SP7: variants seen among roughly 807,000 people sequenced by gnomAD.
The protein encoded by SP7 is transcription factor Sp7.
Under a neutral mutation model 27.9 loss-of-function variants are expected in SP7, and 13 were observed. The observed-to-expected ratio is 0.47, with a 90% CI of 0.30 to 0.74. The LOEUF (loss-of-function observed/expected upper bound fraction) is 0.74. SP7 is among the 30% of genes least tolerant of loss of function. The pLI is 0.06. For synonymous variants in SP7, 219 were observed against 226.7 expected (o/e 0.97, Z 0.31); for missense variants, 525 against 558.0 (o/e 0.94, Z 0.60).
chr12:53,333,719 C>T (rs1944732905), intron 2 of SP7, among the ~76,000 whole-genome samples: 1 of 152,218 alleles, frequency 6.6e-6, no homozygotes, highest in South Asian at 2.1e-4. Context: ...CCCCATCAAG[C>T]AGCAGCTGCT....
chr12:53,334,331 TAC>T (rs57611228), intron 2 of SP7, among the ~76,000 whole-genome samples: 14,798 of 139,304 alleles, frequency 0.11, 942 homozygotes, highest in African/African-American at 0.2. Context: ...TGGCCCAACT[TAC>T]ACACACACAC....
At chr12:53,335,982 G>A (rs1044617939) in intron 1 of SP7, among the ~76,000 whole-genome samples, 164 bp downstream of exon 1, 8 of 151,986 alleles carry the variant, frequency 5.3e-5, no homozygotes, top group Admixed American at 2.0e-4. Context: ...GAAGGGGTGG[G>A]AAGCAGGAAG....
At position 53,329,151 on chromosome 12, in the gene SP7, G is replaced by A; in HGVS notation, c.291C>T (p.His97=). 6.2e-7 allele frequency: 1 copy of A among 1,613,904 alleles called. No individual in the cohort carries two copies. The highest frequency in any genetic ancestry group is 8.5e-7 in the Non-Finnish European group (1 of 1,179,890). The change falls in exon 3 of 3, where the codon CAC becomes CAT. Residue 97 remains histidine, a synonymous_variant. Transcript: ENST00000536324. ...GYANDYPPFS[H]SFPGPTGTQD... ...GGGTGCCTGTGGGCCCAGGGAATGA[G>A]TGGGAAAAGGGAGGGTAATCATTAG...
chr12:53,341,026 G>A (rs1334177743), upstream of SP7, among the ~76,000 whole-genome samples: 1 of 152,206 alleles, frequency 6.6e-6, no homozygotes, highest in Admixed American at 6.5e-5. Context: ...TCCAATTTTA[G>A]GAGGCAAAGC....
chr12:53,331,919 G>A (rs1161273815), intron 2 of SP7, among the ~76,000 whole-genome samples: 1 of 152,196 alleles, frequency 6.6e-6, no homozygotes, highest in Non-Finnish European at 1.5e-5. Flanking sequence ...CATGAGGCAT[G>A]TGTGCAGTCC....
At chr12:53,334,560 G>A (rs1944745148) in intron 2 of SP7, among the ~76,000 whole-genome samples, 1 of 152,200 alleles carries the variant, frequency 6.6e-6, no homozygotes, top group Admixed American at 6.5e-5. Context: ...AGAGATGTGG[G>A]ACCCAAGAAT....
chr12:53,333,831 G>A (rs191877969), intron 2 of SP7, among the ~76,000 whole-genome samples: 162 of 152,114 alleles, frequency 1.1e-3, no homozygotes, highest in Non-Finnish European at 1.4e-3. Context: ...GCAAGTGGTC[G>A]AGGGACAGGA....
In SP7 at chr12:53,329,042, G is replaced by T; in HGVS notation, c.400C>A (p.Pro134Thr). The change falls in exon 3 of 3, where the codon CCC becomes ACC. Residue 134 changes from proline to threonine, a missense_variant. By Grantham distance (38) the Pro-to-Thr change is conservative (BLOSUM62 -1). Transcript: ENST00000536324. The part of the protein sequence containing the change: ...SVYTSLDMTH[P>T]YGSWYKAGIH... ...CCTGCCTTGTACCAGGAGCCATAGG[G>T]GTGTGTCATGTCCAGAGAGGTGTAG... 1 of 1,613,840 alleles carries T rather than the reference G, an allele frequency of 6.2e-7. No homozygotes were observed. The highest frequency in any genetic ancestry group is 8.5e-7 in the Non-Finnish European group (1 of 1,179,860).
At chr12:53,340,325 A>G (rs551538988), upstream of SP7, among the ~76,000 whole-genome samples, 9 of 152,226 alleles carry the variant, frequency 5.9e-5, no homozygotes, top group South Asian at 1.9e-3. Flanking sequence ...GTGGTCTCCT[A>G]AAGGGCATTT....
chr12:53,341,856 C>G (rs531925929), intron 1 of SP7, among the ~76,000 whole-genome samples: 3 of 152,142 alleles, frequency 2.0e-5, no homozygotes, highest in Admixed American at 1.3e-4. Context: ...GTCAGGAGAT[C>G]GAGACCATCC....
intron 2 of SP7, among the ~76,000 whole-genome samples, chr12:53,333,110 C>T (rs1944725207): frequency 1.3e-5 from 2 of 152,292 alleles, no homozygotes; most frequent in Non-Finnish European, 2.9e-5. Context: ...AGCGAGGAAC[C>T]AGACCCACTC....
upstream of SP7, among the ~76,000 whole-genome samples, chr12:53,339,162 T>C (rs1944801068): frequency 1.3e-5 from 2 of 152,060 alleles, no homozygotes; most frequent in African/African-American, 4.8e-5. Flanking sequence ...CCCACCACCC[T>C]GGGGGCCCCT....
chr12:53,329,400 G>A lies in SP7; in HGVS notation c.42C>T (p.Ser14=). 6.2e-7 allele frequency: 1 copy of A among 1,613,918 alleles called. No homozygotes were observed. Among genetic ancestry groups the A allele is most frequent in the East Asian group, 2.2e-5 (1 of 44,878 alleles). The change falls in exon 3 of 3, where the codon TCC becomes TCT. Residue 14 remains serine, a synonymous_variant. Transcript: ENST00000536324. ...SLLEEEVHYG[S]SPLAMLTAAC... The stretch of plus-strand genomic sequence containing the variant: ...CTGCCGTCAGCATGGCCAGGGGACT[G>A]GAGCCATAGTGAACTTCCTCCTGTG...
chr12:53,329,368 C>G lies in SP7; in HGVS notation c.74G>C (p.Ser25Thr). The change falls in exon 3 of 3, where the codon AGC becomes ACC. Residue 25 changes from serine to threonine, a missense_variant. By Grantham distance (58) the Ser-to-Thr change is moderately conservative. Transcript: ENST00000536324. Reference protein sequence around the residue: ...SPLAMLTAACSKFGGSSPLRD... With the variant: ...SPLAMLTAACTKFGGSSPLRD... ...CAGAGGGCTAGAGCCACCAAATTTG[C>G]TGCACGCTGCCGTCAGCATGGCCAG... 6.2e-7 allele frequency: 1 copy of G among 1,613,968 alleles called. No individual in the cohort carries two copies. Among genetic ancestry groups the G allele is most frequent in the Non-Finnish European group, 8.5e-7 (1 of 1,179,890 alleles).
At chr12:53,338,374 T>G (rs921762889), upstream of SP7, among the ~76,000 whole-genome samples, 3 of 151,986 alleles carry the variant, frequency 2.0e-5, no homozygotes, top group African/African-American at 7.3e-5. Flanking sequence ...GAGAAATTCC[T>G]GTATCACCAG....
At chr12:53,337,955 A>C (rs1169598655), upstream of SP7, among the ~76,000 whole-genome samples, 1 of 152,118 alleles carries the variant, frequency 6.6e-6, no homozygotes, top group Non-Finnish European at 1.5e-5. Context: ...ACAGAAGACC[A>C]GATGTGTGGC....
intron 1 of SP7, among the ~76,000 whole-genome samples, chr12:53,341,448 G>A (rs985252975): frequency 6.6e-6 from 1 of 152,216 alleles, no homozygotes; most frequent in African/African-American, 2.4e-5. Context: ...TGTCCTGGAT[G>A]CCCGTGTCTA....
upstream of SP7, among the ~76,000 whole-genome samples, chr12:53,340,728 C>T (rs756195242): frequency 6.6e-6 from 1 of 152,058 alleles, no homozygotes; most frequent in Non-Finnish European, 1.5e-5. Flanking sequence ...GATACTCCAG[C>T]GACAGAGAAC....
chr12:53,342,088 C>A lies in SP7; in HGVS notation c.-34+3026G>T, dbSNP rs553875770. On this transcript the variant is annotated intron_variant, in intron 1 of 1. Transcript: ENST00000547755. ...AAAAAACAAAAAACAAACAAACAAA[C>A]CCTGTCTCTACTAAAAATACAAAAA... 1.5e-4 allele frequency among the ~76,000 whole-genome samples: 23 copies of A among 148,616 alleles called. No homozygotes were observed. In the East Asian group the frequency reaches 4.4e-3, roughly 28 times the overall value.
Sources: gnomAD v4.1 joint callset for allele counts (sites outside exome capture counted in the v4.1 genomes callset) on GRCh38, gnomAD v4.1.1 for gene constraint, MANE v1.5 for transcripts, NCBI Gene and HGNC (gene_info 2026-07-23, HGNC 2026-07-21) for gene names.